The following C1orf87 variants were observed in gnomAD, a reference collection of about 807,000 sequenced individuals.
C1orf87 encodes chromosome 1 open reading frame 87.
A neutral mutation model predicts 60.5 loss-of-function variants in C1orf87; 58 were observed. That is an observed-to-expected ratio of 0.96 (90% CI 0.78 to 1.19). C1orf87 has a LOEUF of 1.19. Among genes scored for constraint, C1orf87 ranks in the 50% most tolerant of loss-of-function variants. The pLI is 0.00. For missense variants in C1orf87, 673 were observed against 638.6 expected, an observed-to-expected ratio of 1.05 and a Z score of -0.58; for synonymous variants, 236 against 227.4, an observed-to-expected ratio of 1.04 and a Z score of -0.34.
intron 3 of C1orf87, among the ~76,000 whole-genome samples, chr1:60,043,419 G>C (rs1256629598): frequency 6.6e-6 from 1 of 151,970 alleles, no homozygotes; most frequent in African/African-American, 2.4e-5. Context: ...GTCTCACTCT[G>C]TTGCCAGGCT....
At chr1:59,994,592 A>C (rs988307171) in intron 11 of C1orf87, among the ~76,000 whole-genome samples, 8 of 152,190 alleles carry the variant, frequency 5.3e-5, no homozygotes, top group African/African-American at 1.9e-4. Flanking sequence ...AAAATTCCAA[A>C]TGCAACATTC....
At chr1:60,058,240 G>A (rs908190445) in intron 2 of C1orf87, among the ~76,000 whole-genome samples, 3 of 152,158 alleles carry the variant, frequency 2.0e-5, no homozygotes, top group East Asian at 3.8e-4. Context: ...AAAGCATAAC[G>A]GGGTTTCTGG....
intron 11 of C1orf87, among the ~76,000 whole-genome samples, chr1:59,993,372 T>C (rs1644938982): frequency 6.6e-6 from 1 of 152,134 alleles, no homozygotes; most frequent in Non-Finnish European, 1.5e-5. Context: ...GTACTAGTAA[T>C]CACTCAATAA....
intron 9 of C1orf87, among the ~76,000 whole-genome samples, chr1:60,007,675 T>C (rs536318132): frequency 1.3e-5 from 2 of 152,174 alleles, no homozygotes; most frequent in South Asian, 4.1e-4. Context: ...AATCTTCTAG[T>C]TATTCTTGCC....
intron 9 of C1orf87, among the ~76,000 whole-genome samples, chr1:60,002,263 T>C (rs1229557648): frequency 6.6e-6 from 1 of 152,122 alleles, no homozygotes; most frequent in African/African-American, 2.4e-5. Flanking sequence ...CCTGGCTTTG[T>C]TCCTTGCTAG....
In C1orf87 at chr1:60,038,016, T is replaced by C; in HGVS notation, c.839A>G (p.Glu280Gly). The C allele has an allele frequency of 1.2e-6, 2 of 1,610,234 alleles. No individual in the cohort carries two copies. Among genetic ancestry groups the C allele is most frequent in the Non-Finnish European group, 1.7e-6 (2 of 1,177,144 alleles). The change falls in exon 6 of 12, where the codon GAG becomes GGG. Residue 280 changes from glutamate to glycine, a missense_variant. Physicochemically the swap from Glu to Gly is moderately conservative, Grantham distance 98. Transcript: ENST00000371201. Reference sequence around the variant, plus strand: ...CCTTTGGCTATGAGTGCCATGACTCTCAGTTTTTCTCAGGTCTGCAGCTGC... The same window carrying C: ...CCTTTGGCTATGAGTGCCATGACTCCCAGTTTTTCTCAGGTCTGCAGCTGC... ...NKAAADLRKT[E>G]SHGTHSQSTP...
chr1:60,038,579 G>A (rs1023611453), intron 5 of C1orf87, among the ~76,000 whole-genome samples: 3 of 151,936 alleles, frequency 2.0e-5, no homozygotes, highest in Admixed American at 1.3e-4. Flanking sequence ...AAGATTTTGG[G>A]GTTATTACTA....
In C1orf87 at chr1:59,997,604, T is replaced by A; in HGVS notation, c.1480+5A>T. 3.1e-6 allele frequency: 5 copies of A among 1,613,586 alleles called. No homozygotes were observed. The highest frequency in any genetic ancestry group is 4.2e-6 in the Non-Finnish European group (5 of 1,179,678). On this transcript the variant is annotated splice_donor_5th_base_variant and intron_variant, in intron 11 of 11. Transcript: ENST00000371201. ...CCTATGCCAGCTTTACAATTCATACTTCACCTGTGTTACTCAGATCACACA... is the reference window on the plus strand; with the variant it reads ...CCTATGCCAGCTTTACAATTCATACATCACCTGTGTTACTCAGATCACACA...
At chr1:60,006,279 G>C (rs1378780969) in intron 9 of C1orf87, among the ~76,000 whole-genome samples, 1 of 152,056 alleles carries the variant, frequency 6.6e-6, no homozygotes, top group African/African-American at 2.4e-5. Context: ...TTTGATATCT[G>C]AATGGCTAGA....
intron 2 of C1orf87, among the ~76,000 whole-genome samples, chr1:60,062,446 C>T (rs1645503532): frequency 6.6e-6 from 1 of 152,136 alleles, no homozygotes; most frequent in Admixed American, 6.5e-5. Context: ...AATAAGTATA[C>T]TTTAAAAAAC....
At chr1:60,018,361 GAC>G (rs953454562) in intron 8 of C1orf87, among the ~76,000 whole-genome samples, 5 of 152,142 alleles carry the variant, frequency 3.3e-5, no homozygotes, top group Non-Finnish European at 5.9e-5. Flanking sequence ...AAAAGTCAAA[GAC>G]AGGTGAATAA....
chr1:59,994,429 T>C (rs780664213), intron 11 of C1orf87, among the ~76,000 whole-genome samples: 4 of 152,208 alleles, frequency 2.6e-5, no homozygotes, highest in Non-Finnish European at 5.9e-5. Context: ...TAAATAAGGA[T>C]ACTAATCCCT....
At chr1:60,026,673 A>G (rs978771627) in intron 7 of C1orf87, among the ~76,000 whole-genome samples, 1 of 152,328 alleles carries the variant, frequency 6.6e-6, no homozygotes, top group African/African-American at 2.4e-5. Context: ...GACATTTCTA[A>G]TAGTAACTAC....
chr1:60,065,194 G>C lies in C1orf87; in HGVS notation c.107+7343C>G, dbSNP rs79938027. ...CCAGGCAGTCAACTTAAGTGCCATCGGTTTGTAACAGTAAATGAGAATGTC... is the reference window on the plus strand; with the variant it reads ...CCAGGCAGTCAACTTAAGTGCCATCCGTTTGTAACAGTAAATGAGAATGTC... On this transcript the variant is annotated intron_variant, in intron 2 of 11. Transcript: ENST00000371201. Among the ~76,000 whole-genome samples the C allele has an allele frequency of 2.5e-3, 379 of 149,954 alleles. 2 individuals carry two copies. The highest frequency in any genetic ancestry group is 8.8e-3 in the African/African-American group (357 of 40,662).
At chr1:60,023,848 G>T (rs1480184250) in intron 8 of C1orf87, among the ~76,000 whole-genome samples, 3 of 152,128 alleles carry the variant, frequency 2.0e-5, no homozygotes, top group African/African-American at 4.8e-5. Flanking sequence ...GTTTTGTGGA[G>T]CACTGGCTGG....
intron 9 of C1orf87, among the ~76,000 whole-genome samples, chr1:60,002,889 C>G (rs1645017471): frequency 6.7e-6 from 1 of 149,862 alleles, no homozygotes; most frequent in South Asian, 2.1e-4. Flanking sequence ...TAAACTAGTT[C>G]AACCATTGTG....
chr1:60,064,334 C>CATATATAAAT (rs1645519968), intron 2 of C1orf87, among the ~76,000 whole-genome samples: 21 of 76,036 alleles, frequency 2.8e-4, no homozygotes, highest in East Asian at 5.9e-4. Flanking sequence ...ATTATATATA[C>CATATATAAAT]TATATATGTA....
chr1:59,991,526 T>C (rs1354216769), intron 11 of C1orf87, among the ~76,000 whole-genome samples: 1 of 152,236 alleles, frequency 6.6e-6, no homozygotes, highest in Non-Finnish European at 1.5e-5. Context: ...TTTGTTGTCG[T>C]GTCATTATAT....
intron 8 of C1orf87, among the ~76,000 whole-genome samples, chr1:60,024,678 G>A (rs1046716891): frequency 6.6e-6 from 1 of 152,244 alleles, no homozygotes; most frequent in African/African-American, 2.4e-5. Context: ...CTTTAACTCA[G>A]GGAGAATGCT....
Sources: allele counts gnomAD v4.1 joint callset (sites outside exome capture counted in the v4.1 genomes callset), GRCh38; gene constraint gnomAD v4.1.1; transcripts MANE v1.5; gene names NCBI Gene and HGNC (gene_info 2026-07-23, HGNC 2026-07-21).